Variants in ANKS1B observed in about 807,000 individuals in gnomAD.
ANKS1B encodes ankyrin repeat and sterile alpha motif domain-containing protein 1B.
Under a neutral mutation model 148.3 loss-of-function variants are expected in ANKS1B, and 36 were observed. The observed-to-expected ratio is 0.24, with a 90% CI of 0.19 to 0.32. The LOEUF is 0.32. Ranked by LOEUF, ANKS1B falls within the 10% of genes least tolerant of loss-of-function variation. The pLI, the probability that ANKS1B is intolerant of heterozygous loss-of-function variation, is 1.00. For missense variants in ANKS1B, 1,157 were observed against 1,542.6 expected (o/e 0.75, Z 4.19); for synonymous variants, 542 against 560.8 (o/e 0.97, Z 0.47).
intron 17 of ANKS1B, among the ~76,000 whole-genome samples, chr12:98,880,448 A>G (rs139283985): frequency 2.6e-5 from 4 of 152,320 alleles, no homozygotes; most frequent in South Asian, 2.1e-4. Flanking sequence ...ACTGGAATGC[A>G]TAAGTATACC....
chr12:99,977,054 G>A (rs1328832232), intron 1 of ANKS1B, among the ~76,000 whole-genome samples: 1 of 152,134 alleles, frequency 6.6e-6, no homozygotes, highest in Non-Finnish European at 1.5e-5. Flanking sequence ...AGCCTCCCAT[G>A]ACACCTAACC....
At position 99,092,620 on chromosome 12, in the gene ANKS1B, C is replaced by T. The variant is rs541126002; in HGVS notation, c.2527-7597G>A. Among the ~76,000 whole-genome samples, 40 of 152,244 alleles carry T rather than the reference C, an allele frequency of 2.6e-4. No homozygotes were observed. In the South Asian group the frequency reaches 6.4e-3, roughly 24 times the overall value. ...GGGTTAGGTGAGTTTGGACACCTTG[C>T]TCCGAACAGGCAGGGAACATGGCGC... On this transcript the variant is annotated intron_variant, in intron 15 of 26. Transcript: ENST00000683438.
At chr12:99,467,901 C>T (rs555116313) in intron 10 of ANKS1B, among the ~76,000 whole-genome samples, 1 of 152,278 alleles carries the variant, frequency 6.6e-6, no homozygotes, top group East Asian at 1.9e-4. Context: ...CCCCATCAAG[C>T]TACCAATGAC....
chr12:98,937,679 T>G (rs184203907), intron 17 of ANKS1B, among the ~76,000 whole-genome samples: 1 of 152,184 alleles, frequency 6.6e-6, no homozygotes, highest in Non-Finnish European at 1.5e-5. Context: ...ATGCCACCTA[T>G]AAGCTGTGTG....
At chr12:99,437,966 G>T (rs1277267324) in intron 11 of ANKS1B, among the ~76,000 whole-genome samples, 1 of 151,796 alleles carries the variant, frequency 6.6e-6, no homozygotes, top group African/African-American at 2.4e-5. Context: ...ATTCTTGAAG[G>T]TCTCTGCCCT....
intron 12 of ANKS1B, among the ~76,000 whole-genome samples, chr12:99,278,352 C>T (rs1015669713): frequency 6.6e-6 from 1 of 152,316 alleles, no homozygotes; most frequent in East Asian, 1.9e-4. Flanking sequence ...CTGTATGAAC[C>T]CCTGTGTCCA....
At chr12:99,626,466 T>G (rs2153385510) in intron 9 of ANKS1B, among the ~76,000 whole-genome samples, 1 of 152,266 alleles carries the variant, frequency 6.6e-6, no homozygotes, top group Middle Eastern at 3.4e-3. Context: ...GGATTACAAA[T>G]GCAGCCCACA....
intron 14 of ANKS1B, among the ~76,000 whole-genome samples, chr12:99,160,067 T>C (rs1037032064): frequency 2.0e-5 from 3 of 152,128 alleles, no homozygotes; most frequent in African/African-American, 7.2e-5. Flanking sequence ...ATTTTTAATG[T>C]GGTTATTTAT....
At chr12:98,739,905 G>A (rs1035991266), downstream of ANKS1B, among the ~76,000 whole-genome samples, 2 of 152,086 alleles carry the variant, frequency 1.3e-5, no homozygotes, top group African/African-American at 4.8e-5. Flanking sequence ...CAGACACCTA[G>A]CTCCAGGCAC....
chr12:99,867,021 A>T (rs1200910402), intron 1 of ANKS1B, among the ~76,000 whole-genome samples: 1 of 152,202 alleles, frequency 6.6e-6, no homozygotes, highest in Non-Finnish European at 1.5e-5. Context: ...TGACATCCCA[A>T]CTTAAATCAG....
intron 15 of ANKS1B, among the ~76,000 whole-genome samples, chr12:99,095,056 G>A (rs1413386482): frequency 6.6e-6 from 1 of 151,952 alleles, no homozygotes; most frequent in Non-Finnish European, 1.5e-5. Flanking sequence ...CAAGCCAAAT[G>A]CATCTTTTAT....
chr12:99,182,141 C>T (rs1231938886), intron 14 of ANKS1B, among the ~76,000 whole-genome samples: 1 of 152,112 alleles, frequency 6.6e-6, no homozygotes, highest in African/African-American at 2.4e-5. Flanking sequence ...GGAAGCAAGG[C>T]ACATTTTATA....
At chr12:99,915,810 T>C (rs184883201) in intron 1 of ANKS1B, among the ~76,000 whole-genome samples, 8 of 152,312 alleles carry the variant, frequency 5.3e-5, no homozygotes, top group Admixed American at 4.6e-4. Flanking sequence ...CAAGACATTG[T>C]TGGTTCCTTT....
At chr12:99,341,546 T>C (rs2089921173) in intron 12 of ANKS1B, among the ~76,000 whole-genome samples, 1 of 152,134 alleles carries the variant, frequency 6.6e-6, no homozygotes, top group African/African-American at 2.4e-5. Context: ...CTCTGTTCCC[T>C]TCTGCATCTA....
chr12:99,448,149 C>T (rs1429464248), intron 10 of ANKS1B, among the ~76,000 whole-genome samples: 1 of 152,050 alleles, frequency 6.6e-6, no homozygotes, highest in Admixed American at 6.6e-5. Context: ...ATCTCCACTC[C>T]CATGTTATTG....
rs145864319 is a variant in ANKS1B, at chr12:99,460,694, G to A, written c.1439-16885C>T. Reference sequence around the variant, plus strand: ...GGGAAATGCAAATCAAAACCAAAATGAGATACCACCTTACTCCTGCAAGAA... The same window carrying A: ...GGGAAATGCAAATCAAAACCAAAATAAGATACCACCTTACTCCTGCAAGAA... On this transcript the variant is annotated intron_variant, in intron 10 of 26. Transcript: ENST00000683438. Among the ~76,000 whole-genome samples the A allele has an allele frequency of 1.4e-3, 210 of 151,350 alleles. 5 individuals are homozygous for A. In the East Asian group the frequency reaches 0.034, roughly 24 times the overall value.
intron 9 of ANKS1B, among the ~76,000 whole-genome samples, chr12:99,632,023 A>G (rs2098165806): frequency 6.6e-6 from 1 of 152,164 alleles, no homozygotes; most frequent in Non-Finnish European, 1.5e-5. Context: ...CTCCCATCAC[A>G]GGCTCAAAGG....
At chr12:98,968,256 G>A (rs1265352493) in intron 17 of ANKS1B, among the ~76,000 whole-genome samples, 1 of 152,132 alleles carries the variant, frequency 6.6e-6, no homozygotes, top group Non-Finnish European at 1.5e-5. Context: ...CTCCAGACTA[G>A]TAGTTCTCAA....
chr12:99,439,481 C>T (rs555243395), intron 11 of ANKS1B, among the ~76,000 whole-genome samples: 72 of 151,174 alleles, frequency 4.8e-4, no homozygotes, highest in Non-Finnish European at 8.4e-4. Context: ...AAGCTGAACA[C>T]CCCTAAAAAA....
Sources: gnomAD v4.1 joint callset for allele counts (sites outside exome capture counted in the v4.1 genomes callset) on GRCh38, gnomAD v4.1.1 for gene constraint, MANE v1.5 for transcripts, NCBI Gene and HGNC (gene_info 2026-07-23, HGNC 2026-07-21) for gene names.